The following DISC1 variants were observed in gnomAD, a reference collection of about 807,000 sequenced individuals.
DISC1 encodes DISC1 scaffold protein.
In DISC1, 57 loss-of-function variants were observed where a neutral mutation model predicts 84.5. The observed-to-expected ratio is 0.67, with a 90% CI of 0.55 to 0.84. DISC1 has a LOEUF of 0.84. Among genes scored for constraint, DISC1 ranks in the 40% least tolerant of loss-of-function variants. DISC1 has a pLI of 0.00. For synonymous variants in DISC1, 411 were observed against 415.2 expected, an observed-to-expected ratio of 0.99 and a Z score of 0.12; for missense variants, 1,000 against 1,057.8, an observed-to-expected ratio of 0.95 and a Z score of 0.76.
chr1:231,812,685 C>T (rs1374468210), intron 8 of DISC1, among the ~76,000 whole-genome samples: 2 of 152,230 alleles, frequency 1.3e-5, no homozygotes, highest in African/African-American at 4.8e-5. Context: ...TCTCCACACA[C>T]ATCCTCCTTG....
At position 231,732,286 on chromosome 1, in the gene DISC1, C is replaced by A. The variant is rs138969443; in HGVS notation, c.1118-17640C>A. 3.7e-4 allele frequency among the ~76,000 whole-genome samples: 56 copies of A among 152,242 alleles called. 1 individual carries two copies. The East Asian group carries it at 8.9e-3, about 24-fold the overall frequency. ...CATCGCATCATGAATTTTTTTACAA[C>A]CTTGTGTCCAGTGTATTGATCAGAA... On this transcript the variant is annotated intron_variant, in intron 3 of 12. Transcript: ENST00000439617.
At chr1:231,963,348 A>G (rs1227049149) in intron 10 of DISC1, among the ~76,000 whole-genome samples, 1 of 152,122 alleles carries the variant, frequency 6.6e-6, no homozygotes, top group Non-Finnish European at 1.5e-5. Context: ...GAAATTGCTG[A>G]TATTTCACCA....
Position 231,892,982 on chromosome 1 carries a change from C to A in DISC1, c.1982-65846C>A, listed in dbSNP as rs142606314. On this transcript the variant is annotated intron_variant, in intron 9 of 12. Transcript: ENST00000439617. ...TTCAAGACTAGCCTGGCCAAAATGG[C>A]GAAACCCTATCTCTACTAAAAAATA... Among the ~76,000 whole-genome samples, 76 of 152,026 alleles carry A rather than the reference C, an allele frequency of 5.0e-4. No individual in the cohort carries two copies. The Middle Eastern group carries it at 0.01, about 20-fold the overall frequency.
intron 11 of DISC1, among the ~76,000 whole-genome samples, chr1:232,012,716 T>C (rs1668136311): frequency 6.6e-6 from 1 of 152,218 alleles, no homozygotes; most frequent in Admixed American, 6.5e-5. Flanking sequence ...AACGTGGTGA[T>C]GTGCATTCTG....
At chr1:231,974,456 A>C (rs1344555257) in intron 10 of DISC1, among the ~76,000 whole-genome samples, 1 of 152,222 alleles carries the variant, frequency 6.6e-6, no homozygotes, top group African/African-American at 2.4e-5. Context: ...AAATAAGCCT[A>C]GTAAAAATCT....
chr1:231,969,520 C>T (rs1661619794), intron 10 of DISC1, among the ~76,000 whole-genome samples: 4 of 151,408 alleles, frequency 2.6e-5, no homozygotes, highest in Admixed American at 1.3e-4. Context: ...CAGTGGAGCT[C>T]AAAAGAAAAT....
chr1:231,939,614 A>G (rs111343941), intron 9 of DISC1, among the ~76,000 whole-genome samples: 9 of 152,212 alleles, frequency 5.9e-5, no homozygotes, highest in Non-Finnish European at 1.3e-4. Flanking sequence ...CCTTCCTTAC[A>G]TGCTAATCTT....
In DISC1 at chr1:231,662,309, CT is replaced by C. The variant is rs1383466426; in HGVS notation, c.68-31516del. 2.6e-5 allele frequency among the ~76,000 whole-genome samples: 4 copies of C among 152,360 alleles called. 1 individual carries two copies. The South Asian group carries it at 8.3e-4, about 32-fold the overall frequency. ...TGCATTGTGGCAGACCCTTCCTCAT[CT>C]GGACTGTTTGCATTCTCCAAAGCCA... On this transcript the variant is annotated intron_variant, in intron 1 of 12. Transcript: ENST00000439617.
chr1:231,825,893 C>T (rs1049393523), intron 9 of DISC1, among the ~76,000 whole-genome samples: 1 of 152,156 alleles, frequency 6.6e-6, no homozygotes, highest in Non-Finnish European at 1.5e-5. Context: ...AGATTTCTTC[C>T]TCCATTGCTC....
In DISC1 at chr1:231,694,016, T is replaced by C; in HGVS notation, c.258T>C (p.Cys86=). 2 of 1,614,172 alleles carry C rather than the reference T, an allele frequency of 1.2e-6. No homozygotes were observed. The highest frequency in any genetic ancestry group is 1.7e-6 in the Non-Finnish European group (2 of 1,179,998). Residue 86 remains cysteine, a synonymous_variant, in exon 2 of 13, where the codon TGT becomes TGC. Coordinates refer to ENST00000439617, the MANE Select transcript of DISC1 (RefSeq NM_018662.3). ...SHHSESRARQ[C]GLDSRGLLVR... is the part of the protein sequence containing the mutation. ...ACTCGGAGTCCAGGGCCAGACAGTG[T>C]GGCCTTGACTCGAGAGGCCTCTTGG...
intron 1 of DISC1, among the ~76,000 whole-genome samples, chr1:231,652,755 C>A (rs16854723): frequency 0.02 from 3,096 of 152,246 alleles, 129 homozygotes; most frequent in Admixed American, 0.1. Flanking sequence ...TTCATGTCAA[C>A]CAGTATGACT....
chr1:231,844,934 A>AAAAAAAAAG (rs1225077407), intron 9 of DISC1, among the ~76,000 whole-genome samples: 4 of 151,798 alleles, frequency 2.6e-5, no homozygotes, highest in African/African-American at 7.3e-5. Flanking sequence ...CTCAAAAAAA[A>AAAAAAAAAG]AAAAAAAAGA....
chr1:231,802,409 T>C lies in DISC1; in HGVS notation c.1792+2199T>C, dbSNP rs527876787. Among the ~76,000 whole-genome samples, 14 of 152,258 alleles carry C rather than the reference T, an allele frequency of 9.2e-5. No individual in the cohort carries two copies. In the South Asian group the frequency reaches 2.5e-3, roughly 27 times the overall value. ...CTTTCCCCTTGCCTTCCGCCATGAT[T>C]GTAAGTTTCTTGAGGCCTTCCTAGC... is the stretch of plus-strand genomic sequence containing the variant. On this transcript the variant is annotated intron_variant, in intron 8 of 12. Coordinates refer to ENST00000439617, the MANE Select transcript of DISC1 (RefSeq NM_018662.3).
At chr1:231,930,266 C>T (rs1321142602) in intron 9 of DISC1, among the ~76,000 whole-genome samples, 1 of 152,082 alleles carries the variant, frequency 6.6e-6, no homozygotes, top group Non-Finnish European at 1.5e-5. Flanking sequence ...GTTTAGTGGG[C>T]TCAGGGACGC....
chr1:231,953,171 C>T (rs1185489194), intron 9 of DISC1, among the ~76,000 whole-genome samples: 3 of 152,178 alleles, frequency 2.0e-5, no homozygotes, highest in Non-Finnish European at 2.9e-5. Context: ...AAAGAAAGTG[C>T]TCAGTAAAAT....
intron 10 of DISC1, among the ~76,000 whole-genome samples, chr1:231,990,387 C>CA (rs576024868): frequency 2.0e-5 from 3 of 152,114 alleles, no homozygotes; most frequent in African/African-American, 7.2e-5. Flanking sequence ...GCTCATCCCC[C>CA]ACCCCACCCA....
rs79343787 is a variant in DISC1 at position 232,008,772 on chromosome 1, C to T, written c.2043-13C>T. The T allele has an allele frequency of 2.6e-6, 4 of 1,536,160 alleles. No individual in the cohort carries two copies. The East Asian group carries it at 9.0e-5, about 35-fold the overall frequency. ...GAGTTCATTTTTATGCCTTTGTTTCCTCTCTGTCTCAGCTGCAAGTGTCCA... is the reference window on the plus strand; with the variant it reads ...GAGTTCATTTTTATGCCTTTGTTTCTTCTCTGTCTCAGCTGCAAGTGTCCA... On this transcript the variant is annotated splice_polypyrimidine_tract_variant and intron_variant, in intron 10 of 12. Coordinates refer to ENST00000439617, the MANE Select transcript of DISC1 (RefSeq NM_018662.3).
chr1:231,804,337 T>A lies in DISC1; in HGVS notation c.1792+4127T>A, dbSNP rs1241366482. The stretch of plus-strand genomic sequence containing the variant: ...AAGACCTGGACAGAGAGCTTTTCAG[T>A]CAGAGGAAATGGCCTGTTCCATTTA... On this transcript the variant is annotated intron_variant, in intron 8 of 12. Transcript: ENST00000439617. Among the ~76,000 whole-genome samples the A allele has an allele frequency of 2.6e-5, 4 of 152,180 alleles. 1 individual carries two copies. The East Asian group carries it at 7.7e-4, about 29-fold the overall frequency.
intron 6 of DISC1, among the ~76,000 whole-genome samples, chr1:231,790,462 T>G (rs116810786): frequency 0.012 from 1,884 of 152,190 alleles, 25 homozygotes; most frequent in African/African-American, 0.024. Context: ...TCTTCTCTTT[T>G]GTCTTCAGAT....
Sources: allele counts gnomAD v4.1 joint callset (sites outside exome capture counted in the v4.1 genomes callset), GRCh38; gene constraint gnomAD v4.1.1; transcripts MANE v1.5; gene names NCBI Gene and HGNC (gene_info 2026-07-23, HGNC 2026-07-21).